The following EDEM2 variants were observed in gnomAD, a reference collection of about 807,000 sequenced individuals.
The protein encoded by EDEM2 is ER degradation enhancing alpha-mannosidase like protein 2.
EDEM2 carries 39 observed loss-of-function variants against 64.8 expected under a neutral mutation model. The observed-to-expected ratio is 0.60, with a 90% CI of 0.47 to 0.79. The LOEUF (loss-of-function observed/expected upper bound fraction) is 0.79. EDEM2 is among the 30% of genes least tolerant of loss of function. The probability of loss-of-function intolerance (pLI) is 0.00; values close to 1 mark genes in which losing one functional copy is unlikely to be tolerated. For missense variants in EDEM2, 609 were observed against 731.3 expected (o/e 0.83, Z 1.93); for synonymous variants, 296 against 291.5 (o/e 1.02, Z -0.16).
intron 3 of EDEM2, among the ~76,000 whole-genome samples, chr20:35,143,393 T>C (rs1170064491): frequency 2.0e-5 from 3 of 152,216 alleles, no homozygotes; most frequent in African/African-American, 7.2e-5. Context: ...ATGGCAGCTA[T>C]GTGAGACCAT....
intron 2 of EDEM2, among the ~76,000 whole-genome samples, chr20:35,146,002 CAAAAAA>C (rs138113879): frequency 1.1e-3 from 92 of 82,820 alleles, no homozygotes; most frequent in Non-Finnish European, 2.0e-3. Context: ...AACTCCATCT[CAAAAAA>C]AAAAAAAAAA....
At chr20:35,125,450 T>C (rs1318596719) in intron 8 of EDEM2, among the ~76,000 whole-genome samples, 1 of 152,098 alleles carries the variant, frequency 6.6e-6, no homozygotes, top group Non-Finnish European at 1.5e-5. Flanking sequence ...AGTGGCGCAA[T>C]CTCAGCTCAC....
At chr20:35,122,973 G>C (rs1364745951) in intron 9 of EDEM2, among the ~76,000 whole-genome samples, 1 of 152,134 alleles carries the variant, frequency 6.6e-6, no homozygotes, top group Non-Finnish European at 1.5e-5. Flanking sequence ...TGCTGACTAA[G>C]CTTCCTTCCT....
At chr20:35,145,677 G>GCC (rs1463258745) in intron 2 of EDEM2, among the ~76,000 whole-genome samples, 2 of 152,180 alleles carry the variant, frequency 1.3e-5, no homozygotes, top group African/African-American at 4.8e-5. Context: ...TAAAGTGACA[G>GCC]AAGTGTTTCA....
chr20:35,135,524 G>A (rs945312426), intron 5 of EDEM2, among the ~76,000 whole-genome samples: 26 of 152,182 alleles, frequency 1.7e-4, no homozygotes, highest in Admixed American at 1.6e-3. Context: ...GGTGGTGCAC[G>A]CCTGTAATTC....
chr20:35,140,435 G>A (rs1030345688), intron 4 of EDEM2, among the ~76,000 whole-genome samples: 5 of 152,072 alleles, frequency 3.3e-5, no homozygotes, highest in Admixed American at 1.3e-4. Flanking sequence ...CCAAGATCGC[G>A]CCACTGCACT....
intron 8 of EDEM2, 147 bp from the exon 9 acceptor site, chr20:35,124,181 C>T (rs563862985): frequency 2.0e-6 from 2 of 978,846 alleles, no homozygotes; most frequent in African/African-American, 3.3e-5. Flanking sequence ...TGGTGCTGAG[C>T]CAGGCACTGG....
intron 1 of EDEM2, 69 bp from the exon 2 acceptor site, chr20:35,147,004 A>C (rs1287337869): frequency 2.6e-6 from 4 of 1,567,252 alleles, no homozygotes; most frequent in Non-Finnish European, 3.5e-6. Context: ...AACAAGATAC[A>C]GGGCGGAAAG....
intron 7 of EDEM2, among the ~76,000 whole-genome samples, chr20:35,127,919 C>T (rs533183472): frequency 7.2e-4 from 109 of 152,274 alleles, no homozygotes; most frequent in African/African-American, 2.5e-3. Flanking sequence ...TTTTATAATG[C>T]AATGCATTAC....
chr20:35,139,865 AAGG>A (rs572679145), intron 4 of EDEM2, among the ~76,000 whole-genome samples: 15 of 152,214 alleles, frequency 9.9e-5, no homozygotes, highest in African/African-American at 2.9e-4. Flanking sequence ...AAGTTTTTAA[AAGG>A]AGAAGACAGC....
At chr20:35,141,554 T>C (rs1003642878) in intron 4 of EDEM2, among the ~76,000 whole-genome samples, 1 of 152,188 alleles carries the variant, frequency 6.6e-6, no homozygotes, top group Admixed American at 6.6e-5. Flanking sequence ...ATGGATCATA[T>C]GTCTGGAATA....
chr20:35,123,140 C>T (rs568329195), intron 9 of EDEM2, among the ~76,000 whole-genome samples: 1 of 152,120 alleles, frequency 6.6e-6, no homozygotes, highest in Non-Finnish European at 1.5e-5. Context: ...CTAGGTAATT[C>T]CTAAGGTCCG....
chr20:35,142,752 T>C (rs925385088), intron 3 of EDEM2, among the ~76,000 whole-genome samples: 20 of 152,166 alleles, frequency 1.3e-4, no homozygotes, highest in South Asian at 4.1e-4. Context: ...AAACTACGCA[T>C]AGAAGTCTTA....
At position 35,136,001 on chromosome 20, in the gene EDEM2, C is replaced by T. The variant is rs541712484; in HGVS notation, c.491-1052G>A. Among the ~76,000 whole-genome samples the T allele has an allele frequency of 2.6e-5, 4 of 152,278 alleles. No homozygotes were observed. In the South Asian group the frequency reaches 6.2e-4, roughly 24 times the overall value. On this transcript the variant is annotated intron_variant, in intron 5 of 10. Transcript: ENST00000374492. ...GACAACCAGCCAGAGGCAGAGATTT[C>T]CTCTCTGGGCCTAAAGGTCAAACAA...
chr20:35,129,973 A>G (rs752808305), intron 7 of EDEM2, among the ~76,000 whole-genome samples: 20 of 152,196 alleles, frequency 1.3e-4, no homozygotes, highest in Non-Finnish European at 2.4e-4. Flanking sequence ...TCACCTAACG[A>G]TGCAATTCTC....
chr20:35,127,481 G>A (rs533784446), intron 7 of EDEM2, among the ~76,000 whole-genome samples: 1 of 152,266 alleles, frequency 6.6e-6, no homozygotes, highest in Admixed American at 6.5e-5. Context: ...GTAAATCCAT[G>A]AGGCCTGGGA....
intron 7 of EDEM2, among the ~76,000 whole-genome samples, chr20:35,130,599 A>G (rs772642466): frequency 1.3e-5 from 2 of 152,062 alleles, no homozygotes; most frequent in Non-Finnish European, 2.9e-5. Context: ...CCTGGCCTCA[A>G]ACAATCCTCA....
At chr20:35,146,235 C>T (rs2085730781) in intron 2 of EDEM2, among the ~76,000 whole-genome samples, 1 of 151,938 alleles carries the variant, frequency 6.6e-6, no homozygotes, top group South Asian at 2.1e-4. Flanking sequence ...TACTTTGTTT[C>T]AACTTAAAAA....
At chr20:35,137,730 AT>A in intron 5 of EDEM2, 149 bp downstream of exon 5, 1 of 1,186,342 alleles carries the variant, frequency 8.4e-7, no homozygotes, top group Non-Finnish European at 1.2e-6. Context: ...GACACTCCTG[AT>A]TTCCATGGTG....
Sources: allele counts gnomAD v4.1 joint callset (sites outside exome capture counted in the v4.1 genomes callset), GRCh38; gene constraint gnomAD v4.1.1; transcripts MANE v1.5; gene names NCBI Gene and HGNC (gene_info 2026-07-23, HGNC 2026-07-21).